The following CCSER1 variants were observed in gnomAD, a reference collection of about 807,000 sequenced individuals.
The protein encoded by CCSER1 is serine-rich coiled-coil domain-containing protein 1.
In CCSER1, 41 loss-of-function variants were observed where a neutral mutation model predicts 82.0. The observed-to-expected ratio is 0.50, with a 90% CI of 0.39 to 0.65. The LOEUF (loss-of-function observed/expected upper bound fraction) is 0.65, where lower values mean the gene tolerates loss of function less well. Ranked by LOEUF, CCSER1 falls within the 30% of genes least tolerant of loss-of-function variation. The probability of loss-of-function intolerance (pLI) is 0.00; values close to 1 mark genes in which losing one functional copy is unlikely to be tolerated. For missense variants in CCSER1, 1,119 were observed against 1,064.2 expected (o/e 1.05, Z -0.72); for synonymous variants, 414 against 383.9 (o/e 1.08, Z -0.92).
intron 10 of CCSER1, among the ~76,000 whole-genome samples, chr4:91,227,802 T>C (rs1032597593): frequency 3.3e-5 from 5 of 151,942 alleles, no homozygotes; most frequent in Admixed American, 1.3e-4. Flanking sequence ...AATTACCAAA[T>C]AGGGTCCATG....
At chr4:91,536,524 C>G (rs891376011) in intron 10 of CCSER1, among the ~76,000 whole-genome samples, 10 of 152,038 alleles carry the variant, frequency 6.6e-5, no homozygotes, top group African/African-American at 2.2e-4. Context: ...AACTCCCTTC[C>G]CCTCCAACTT....
At chr4:90,489,167 A>G (rs1767574435) in intron 5 of CCSER1, among the ~76,000 whole-genome samples, 1 of 152,204 alleles carries the variant, frequency 6.6e-6, no homozygotes, top group African/African-American at 2.4e-5. Context: ...TTCAAGAAGC[A>G]TACCCTTGAT....
chr4:90,761,467 A>G (rs548621128), intron 7 of CCSER1, among the ~76,000 whole-genome samples: 1 of 152,266 alleles, frequency 6.6e-6, no homozygotes, highest in East Asian at 1.9e-4. Flanking sequence ...TTGTTCAGTA[A>G]ATAAAATACA....
intron 10 of CCSER1, among the ~76,000 whole-genome samples, chr4:91,274,383 A>G (rs946618122): frequency 4.6e-5 from 7 of 152,140 alleles, no homozygotes; most frequent in African/African-American, 1.4e-4. Context: ...ACTGTTGTTT[A>G]CTATAGTCAC....
At chr4:91,416,982 T>C (rs997933022) in intron 10 of CCSER1, among the ~76,000 whole-genome samples, 2 of 152,084 alleles carry the variant, frequency 1.3e-5, no homozygotes, top group Admixed American at 6.6e-5. Flanking sequence ...ATCCAGAGTC[T>C]ACAAGGAGCT....
intron 8 of CCSER1, among the ~76,000 whole-genome samples, chr4:90,818,773 A>G (rs1759364858): frequency 6.6e-6 from 1 of 152,146 alleles, no homozygotes. Flanking sequence ...TGGGGGCAAA[A>G]TTGCCTCCAG....
chr4:91,082,170 C>G (rs1469236918), intron 9 of CCSER1, among the ~76,000 whole-genome samples: 1 of 152,142 alleles, frequency 6.6e-6, no homozygotes, highest in African/African-American at 2.4e-5. Flanking sequence ...AAGTATACTA[C>G]AAGGCTACAG....
Position 90,474,311 on chromosome 4 carries a change from A to G in CCSER1, c.1724+5957A>G, listed in dbSNP as rs564721453. On this transcript the variant is annotated intron_variant, in intron 5 of 10. Transcript: ENST00000509176. ...AGGCTATTAGTTAACTAACTGAAAAAACAAAATAGCTTCTTAAAGTGTTCT... is the reference window on the plus strand; with the variant it reads ...AGGCTATTAGTTAACTAACTGAAAAGACAAAATAGCTTCTTAAAGTGTTCT... Among the ~76,000 whole-genome samples the G allele has an allele frequency of 9.2e-5, 14 of 152,262 alleles. No individual in the cohort carries two copies. The South Asian group carries it at 2.7e-3, about 29-fold the overall frequency.
intron 10 of CCSER1, among the ~76,000 whole-genome samples, chr4:91,429,927 T>C (rs367733564): frequency 6.6e-6 from 1 of 151,984 alleles, no homozygotes; most frequent in Non-Finnish European, 1.5e-5. Context: ...ACAGACTAGA[T>C]AGATCTGAGA....
At chr4:91,172,359 A>G (rs140370295) in intron 10 of CCSER1, among the ~76,000 whole-genome samples, 1 of 152,194 alleles carries the variant, frequency 6.6e-6, no homozygotes, top group Non-Finnish European at 1.5e-5. Flanking sequence ...GGAATTTTTC[A>G]TGTGGATGCA....
At chr4:90,397,413 G>A (rs576634916) in intron 3 of CCSER1, among the ~76,000 whole-genome samples, 1 of 152,242 alleles carries the variant, frequency 6.6e-6, no homozygotes, top group African/African-American at 2.4e-5. Context: ...ATTTCAAATT[G>A]TGGGTGAATG....
chr4:90,566,886 G>A (rs2153651422), intron 5 of CCSER1, among the ~76,000 whole-genome samples: 1 of 152,086 alleles, frequency 6.6e-6, no homozygotes, highest in East Asian at 1.9e-4. Context: ...ACAGGCATGA[G>A]CCACAGCGCC....
chr4:91,036,533 T>C (rs1581393108), intron 9 of CCSER1, among the ~76,000 whole-genome samples: 1 of 152,294 alleles, frequency 6.6e-6, no homozygotes, highest in South Asian at 2.1e-4. Context: ...CAGCCATTCA[T>C]TTGTTCAAGA....
Position 90,582,227 on chromosome 4 carries a change from C to T in CCSER1, c.1725-45798C>T, listed in dbSNP as rs536197049. On this transcript the variant is annotated intron_variant, in intron 5 of 10. Transcript: ENST00000509176. ...TATTGTGGCTCAAGGCAGAATATTT[C>T]GAGGATTCAGAGCTCATTCCCTAGT... Among the ~76,000 whole-genome samples the T allele has an allele frequency of 1.2e-3, 187 of 152,108 alleles. 2 individuals carry two copies. The South Asian group carries it at 0.036, about 30-fold the overall frequency.
chr4:90,310,530 T>A (rs1735110196), intron 2 of CCSER1, among the ~76,000 whole-genome samples: 1 of 152,130 alleles, frequency 6.6e-6, no homozygotes, highest in Non-Finnish European at 1.5e-5. Flanking sequence ...TTATAAGCTA[T>A]TTTGCAGGCA....
chr4:90,537,666 T>C (rs1043890902), intron 5 of CCSER1, among the ~76,000 whole-genome samples: 4 of 152,190 alleles, frequency 2.6e-5, no homozygotes, highest in Non-Finnish European at 5.9e-5. Flanking sequence ...GGAATTTAGC[T>C]TCCTACTTTT....
rs186926160 is a variant in CCSER1 at position 91,260,766 on chromosome 4, T to A, written c.2217+174772T>A. 3.2e-3 allele frequency among the ~76,000 whole-genome samples: 480 copies of A among 150,894 alleles called. 4 individuals carry two copies. Among genetic ancestry groups the A allele is most frequent in the African/African-American group, 8.5e-3 (349 of 40,902 alleles). On this transcript the variant is annotated intron_variant, in intron 10 of 10. Coordinates refer to ENST00000509176, the MANE Select transcript of CCSER1 (RefSeq NM_001145065.2). The stretch of plus-strand genomic sequence containing the variant: ...TTTTTATTTATTTATTTATTTATTT[T>A]TTTATTTTTTTTGAGAGGGAGTCTC...
intron 10 of CCSER1, among the ~76,000 whole-genome samples, chr4:91,358,434 C>T (rs1169470490): frequency 2.1e-5 from 3 of 140,274 alleles, no homozygotes; most frequent in African/African-American, 8.1e-5. Context: ...ACCACACTCA[C>T]ACCACACATA....
chr4:91,019,168 A>G (rs1739700328), intron 9 of CCSER1, among the ~76,000 whole-genome samples: 1 of 151,574 alleles, frequency 6.6e-6, no homozygotes, highest in Admixed American at 6.6e-5. Context: ...GTTTCAAGAT[A>G]CTTCCTTTTA....
Sources: allele counts gnomAD v4.1 joint callset (sites outside exome capture counted in the v4.1 genomes callset), GRCh38; gene constraint gnomAD v4.1.1; transcripts MANE v1.5; gene names NCBI Gene and HGNC (gene_info 2026-07-23, HGNC 2026-07-21).